The following TENT5D variants were observed in gnomAD, a reference collection of about 807,000 sequenced individuals.
TENT5D encodes the protein cancer/testis antigen 112.
For synonymous variants in TENT5D, 103 were observed against 100.6 expected (o/e 1.02, Z -0.15); for missense variants, 191 against 287.0 (o/e 0.67, Z 2.42).
chrX:80,406,288 A>T (rs376022545), intron 3 of TENT5D, among the ~76,000 whole-genome samples: 40 of 110,695 alleles, frequency 3.6e-4, no homozygotes, highest in Non-Finnish European at 7.0e-4. Flanking sequence ...GGCTTCAGAC[A>T]ATCAAATTAC....
intron 3 of TENT5D, among the ~76,000 whole-genome samples, chrX:80,378,499 A>G (rs1930780497): frequency 9.0e-6 from 1 of 111,265 alleles, no homozygotes; most frequent in African/African-American, 3.3e-5. Context: ...TCCTTTCCCC[A>G]TTTCTTATTT....
At chrX:80,387,258 C>T (rs756388525) in intron 3 of TENT5D, among the ~76,000 whole-genome samples, 19 of 112,053 alleles carry the variant, frequency 1.7e-4, no homozygotes, top group African/African-American at 5.8e-4. Context: ...TTTTGTAGTG[C>T]GGTCAGATTT....
intron 3 of TENT5D, among the ~76,000 whole-genome samples, chrX:80,407,280 G>C (rs1015312673): frequency 2.7e-5 from 3 of 110,697 alleles, no homozygotes; most frequent in Non-Finnish European, 5.7e-5. Context: ...TGGACTAAAT[G>C]CTCCAATTAA....
chrX:80,438,826 C>A (rs1202872206), intron 2 of TENT5D, 94 bp downstream of exon 2: 1 of 110,734 alleles, frequency 9.0e-6, no homozygotes, highest in African/African-American at 3.3e-5. Flanking sequence ...TGTTTCCCAT[C>A]GTCAAAGGGA....
intron 3 of TENT5D, among the ~76,000 whole-genome samples, chrX:80,371,133 C>T (rs1276652159): frequency 9.0e-6 from 1 of 111,674 alleles, no homozygotes; most frequent in African/African-American, 3.3e-5. Flanking sequence ...GAGACTTTCT[C>T]AAAGTATGAT....
chrX:80,353,405 G>GT (rs769376688), intron 3 of TENT5D, among the ~76,000 whole-genome samples: 11 of 111,340 alleles, frequency 9.9e-5, no homozygotes, highest in East Asian at 5.7e-4. Context: ...CCTATAGGTA[G>GT]TTTTTTTTAA....
intron 3 of TENT5D, among the ~76,000 whole-genome samples, chrX:80,348,117 A>G (rs1930104445): frequency 8.9e-6 from 1 of 111,856 alleles, no homozygotes; most frequent in Non-Finnish European, 1.9e-5. Context: ...CATGATGCCT[A>G]TAGCGTTGCT....
At chrX:80,419,655 T>G (rs188123274), upstream of TENT5D, among the ~76,000 whole-genome samples, 13 of 112,711 alleles carry the variant, frequency 1.2e-4, no homozygotes, top group East Asian at 3.1e-3. Flanking sequence ...TAAATGTTCT[T>G]TTTAAAAATT....
At chrX:80,338,069 A>G (rs1051013149) in intron 2 of TENT5D, among the ~76,000 whole-genome samples, 1 of 112,223 alleles carries the variant, frequency 8.9e-6, no homozygotes, top group African/African-American at 3.2e-5. Flanking sequence ...CTTTCACTGT[A>G]GGCACAATTA....
intron 3 of TENT5D, among the ~76,000 whole-genome samples, chrX:80,375,080 T>C (rs921848724): frequency 8.1e-5 from 9 of 111,746 alleles, no homozygotes; most frequent in African/African-American, 2.6e-4. Flanking sequence ...GTATTCCATT[T>C]CTGTTCTTTC....
At chrX:80,392,276 C>G (rs1931142734) in intron 3 of TENT5D, among the ~76,000 whole-genome samples, 1 of 109,142 alleles carries the variant, frequency 9.2e-6, no homozygotes, top group Admixed American at 9.8e-5. Flanking sequence ...ATAATAATCT[C>G]TTAAAGAAGG....
chrX:80,346,494 G>T (rs906537902), intron 3 of TENT5D, among the ~76,000 whole-genome samples: 3 of 111,340 alleles, frequency 2.7e-5, no homozygotes, highest in African/African-American at 9.8e-5. Context: ...ACCTTCACTG[G>T]CACTGAGTAT....
At chrX:80,357,916 A>G (rs1008334736) in intron 3 of TENT5D, among the ~76,000 whole-genome samples, 1 of 111,720 alleles carries the variant, frequency 9.0e-6, no homozygotes, top group Non-Finnish European at 1.9e-5. Context: ...TTCAAACTAT[A>G]CTACAAGGCT....
At chrX:80,387,287 C>T (rs765372646) in intron 3 of TENT5D, among the ~76,000 whole-genome samples, 1 of 111,965 alleles carries the variant, frequency 8.9e-6, no homozygotes, top group Non-Finnish European at 1.9e-5. Flanking sequence ...GCTCTTGATG[C>T]TTGTAGATAT....
chrX:80,339,896 G>A (rs1228820437), intron 2 of TENT5D, among the ~76,000 whole-genome samples: 5 of 106,184 alleles, frequency 4.7e-5, no homozygotes, highest in Non-Finnish European at 9.7e-5. Context: ...GAGAGAGAGA[G>A]TTATCAAAAA....
intron 1 of TENT5D, among the ~76,000 whole-genome samples, chrX:80,434,451 ATAAT>A (rs1932144554): frequency 9.0e-6 from 1 of 111,718 alleles, no homozygotes; most frequent in African/African-American, 3.2e-5. Flanking sequence ...CATTTTAAAT[ATAAT>A]TAAAGACATT....
At chrX:80,345,597 T>C (rs1253576700) in intron 3 of TENT5D, among the ~76,000 whole-genome samples, 1 of 111,888 alleles carries the variant, frequency 8.9e-6, no homozygotes, top group African/African-American at 3.2e-5. Flanking sequence ...TTAGCATCCC[T>C]GCCTTACTTG....
chrX:80,339,071 C>A (rs923096469), intron 2 of TENT5D, among the ~76,000 whole-genome samples: 14 of 110,970 alleles, frequency 1.3e-4, no homozygotes, highest in African/African-American at 4.3e-4. Flanking sequence ...AGAAAAACAA[C>A]AAAAAAATTC....
intron 2 of TENT5D, among the ~76,000 whole-genome samples, chrX:80,340,878 C>T (rs189976530): frequency 1.8e-5 from 2 of 112,379 alleles, no homozygotes; most frequent in East Asian, 2.8e-4. Context: ...GCTGTCTTTA[C>T]ATTAAACCAA....
Sources: gnomAD v4.1 joint callset for allele counts (sites outside exome capture counted in the v4.1 genomes callset) on GRCh38, gnomAD v4.1.1 for gene constraint, MANE v1.5 for transcripts, NCBI Gene and HGNC (gene_info 2026-07-23, HGNC 2026-07-21) for gene names.